Variants in PRKCH observed in about 807,000 individuals in gnomAD.
PRKCH encodes the protein protein kinase C eta type.
PRKCH carries 28 observed loss-of-function variants against 82.5 expected under a neutral mutation model. The ratio of observed to expected loss-of-function variants is 0.34; its 90% CI spans 0.25 to 0.47. The LOEUF is 0.47. PRKCH is among the 20% of genes least tolerant of loss of function. PRKCH has a pLI of 1.00. For missense variants in PRKCH, 705 were observed against 881.8 expected (o/e 0.80, Z 2.54); for synonymous variants, 322 against 327.4 (o/e 0.98, Z 0.18).
intron 1 of PRKCH, among the ~76,000 whole-genome samples, chr14:61,289,461 CT>C (rs2045342261): frequency 6.6e-6 from 1 of 152,236 alleles, no homozygotes; most frequent in East Asian, 1.9e-4. Flanking sequence ...AATCCCAGCA[CT>C]TTGGGAGGCC....
At chr14:61,417,748 TAAAA>T (rs1247571388) in intron 2 of PRKCH, among the ~76,000 whole-genome samples, 1 of 152,136 alleles carries the variant, frequency 6.6e-6, no homozygotes, top group Non-Finnish European at 1.5e-5. Context: ...CTGTTTCCTT[TAAAA>T]AAAGAAAGAA....
intron 2 of PRKCH, among the ~76,000 whole-genome samples, chr14:61,414,639 T>C (rs1882460067): frequency 6.7e-6 from 1 of 149,322 alleles, no homozygotes; most frequent in South Asian, 2.1e-4. Context: ...CAGGCTGCAC[T>C]GGCTAAGTTT....
intron 1 of PRKCH, among the ~76,000 whole-genome samples, chr14:61,246,905 C>T (rs1432388140): frequency 3.3e-5 from 5 of 152,148 alleles, no homozygotes; most frequent in African/African-American, 1.2e-4. Context: ...CACTTTTTCT[C>T]ATGTCTTTCC....
intron 10 of PRKCH, among the ~76,000 whole-genome samples, chr14:61,490,504 G>A (rs1886407414): frequency 6.6e-6 from 1 of 152,198 alleles, no homozygotes; most frequent in Admixed American, 6.5e-5. Context: ...AGGGTCCACA[G>A]GTGCCTCGCT....
chr14:61,499,795 C>T (rs1053462692), intron 10 of PRKCH, among the ~76,000 whole-genome samples: 3 of 151,676 alleles, frequency 2.0e-5, no homozygotes, highest in Non-Finnish European at 4.4e-5. Context: ...CAGGGATGTA[C>T]GGCTTTTGGA....
intron 9 of PRKCH, among the ~76,000 whole-genome samples, chr14:61,466,863 A>G (rs1038664643): frequency 3.3e-5 from 5 of 152,168 alleles, no homozygotes; most frequent in African/African-American, 1.2e-4. Flanking sequence ...TGGCAGGACC[A>G]TAGCTTTCCG....
At chr14:61,536,110 C>T (rs561287809) in intron 12 of PRKCH, among the ~76,000 whole-genome samples, 3 of 152,308 alleles carry the variant, frequency 2.0e-5, no homozygotes, top group East Asian at 3.9e-4. Context: ...CATACAAGCT[C>T]CCCTGTGGAT....
chr14:61,507,004 G>A (rs1465712308), intron 10 of PRKCH, among the ~76,000 whole-genome samples: 1 of 152,142 alleles, frequency 6.6e-6, no homozygotes, highest in African/African-American at 2.4e-5. Flanking sequence ...AAATGGAAAG[G>A]CAACCTATGG....
rs762849142 is a variant in PRKCH, at chr14:61,450,842, A to T, written c.703A>T (p.Ile235Phe). ...TGTCCCTTTATTTCCTTTTTTACAG[A>T]TTGCAGAACAGAGGTTCGGGATCAA... ...QNNINKVDSK[I>F]AEQRFGINIP... The change falls in exon 6 of 14, where the codon ATT (isoleucine) becomes TTT (phenylalanine). Residue 235 changes from isoleucine (I) to phenylalanine (F), a missense_variant and splice_region_variant. This residue lies in a region of PRKCH where 246 missense variants were observed against 308.0 expected (regional missense o/e 0.80). Transcript: ENST00000332981. The T allele has an allele frequency of 1.2e-6, 2 of 1,612,206 alleles. No individual in the cohort carries two copies. The highest frequency in any genetic ancestry group is 2.7e-5 in the African/African-American group (2 of 74,772).
intron 11 of PRKCH, 111 bp from the exon 12 acceptor site, chr14:61,530,295 CT>C (rs2043029321): frequency 1.5e-5 from 19 of 1,226,004 alleles, no homozygotes; most frequent in South Asian, 3.7e-5. Context: ...GCACAGGAGA[CT>C]TTTTTAAAAA....
At position 61,450,973 on chromosome 14, in the gene PRKCH, T is replaced by TGA; in HGVS notation, c.832+5_832+6dup. On this transcript the variant is annotated splice_region_variant and intron_variant, in intron 6 of 13. Coordinates refer to ENST00000332981, the MANE Select transcript of PRKCH (RefSeq NM_006255.5). ...TGCGACAAGGACTTCAGTGTAAAAG[T>TGA]GAGATGCTGAGGTGCTGGGTACCCA... The TGA allele has an allele frequency of 6.2e-7, 1 of 1,613,588 alleles. No homozygotes were observed. Among genetic ancestry groups the TGA allele is most frequent in the Non-Finnish European group, 8.5e-7 (1 of 1,179,734 alleles).
At chr14:61,413,462 C>A (rs1882391606) in intron 2 of PRKCH, among the ~76,000 whole-genome samples, 1 of 134,674 alleles carries the variant, frequency 7.4e-6, no homozygotes, top group African/African-American at 2.7e-5. Context: ...TGGCTTAGAT[C>A]CTACTTAATC....
chr14:61,468,007 A>T (rs79987585), intron 9 of PRKCH, among the ~76,000 whole-genome samples: 3,439 of 152,324 alleles, frequency 0.023, 133 homozygotes, highest in African/African-American at 0.079. Context: ...TGTCCTGCCA[A>T]ATAATATACA....
chr14:61,422,927 C>T (rs1220886259), intron 2 of PRKCH, among the ~76,000 whole-genome samples: 1 of 152,126 alleles, frequency 6.6e-6, no homozygotes, highest in African/African-American at 2.4e-5. Context: ...ATCTGTATTT[C>T]TTTTATTTTT....
intron 2 of PRKCH, among the ~76,000 whole-genome samples, chr14:61,419,703 GT>G (rs1882734054): frequency 6.6e-6 from 1 of 152,208 alleles, no homozygotes; most frequent in Non-Finnish European, 1.5e-5. Flanking sequence ...AGAGGGTTAA[GT>G]TGTCATTTTA....
chr14:61,490,818 T>C (rs1459760508), intron 10 of PRKCH, among the ~76,000 whole-genome samples: 1 of 152,058 alleles, frequency 6.6e-6, no homozygotes, highest in Non-Finnish European at 1.5e-5. Flanking sequence ...CTCGGGAGGC[T>C]GAGATGGGAG....
At chr14:61,443,003 G>T (rs1884049521) in intron 2 of PRKCH, 108 bp from the exon 3 acceptor site, 7 of 1,137,436 alleles carry the variant, frequency 6.2e-6, no homozygotes, top group Non-Finnish European at 7.4e-6. Context: ...CTTGAAGAAA[G>T]AAAAAATAAT....
intron 10 of PRKCH, among the ~76,000 whole-genome samples, chr14:61,509,275 C>T (rs956034718): frequency 3.9e-5 from 6 of 152,012 alleles, no homozygotes; most frequent in South Asian, 2.1e-4. Flanking sequence ...ACTGGCATAC[C>T]GCAACACACT....
At chr14:61,225,572 G>C (rs193199024) in intron 1 of PRKCH, among the ~76,000 whole-genome samples, 1 of 152,316 alleles carries the variant, frequency 6.6e-6, no homozygotes, top group African/African-American at 2.4e-5. Context: ...ATACGCATAA[G>C]TTCTCCATGG....
Sources: allele counts gnomAD v4.1 joint callset (sites outside exome capture counted in the v4.1 genomes callset), GRCh38; gene constraint gnomAD v4.1.1; regional missense constraint gnomAD v4.1.1; transcripts MANE v1.5; gene names NCBI Gene and HGNC (gene_info 2026-07-23, HGNC 2026-07-21).